Variants in IMMP2L observed in about 807,000 individuals in gnomAD.
IMMP2L encodes the protein inner mitochondrial membrane peptidase subunit 2, also known as mitochondrial inner membrane protease subunit 2.
IMMP2L carries 18 observed loss-of-function variants against 19.3 expected under a neutral mutation model. That is an observed-to-expected ratio of 0.93 (90% CI 0.64 to 1.38). IMMP2L has a LOEUF of 1.38. IMMP2L is among the 40% of genes most tolerant of loss of function. The pLI is 0.00. For missense variants in IMMP2L, 233 were observed against 218.2 expected, an observed-to-expected ratio of 1.07 and a Z score of -0.43; for synonymous variants, 76 against 73.0, an observed-to-expected ratio of 1.04 and a Z score of -0.21.
At chr7:111,007,203 T>C (rs1824383861) in intron 3 of IMMP2L, among the ~76,000 whole-genome samples, 1 of 152,092 alleles carries the variant, frequency 6.6e-6, no homozygotes, top group Non-Finnish European at 1.5e-5. Flanking sequence ...CAAACACTTA[T>C]AAAACCATTA....
chr7:111,522,938 T>TATATA (rs199823915), intron 1 of IMMP2L, among the ~76,000 whole-genome samples: 1 of 148,736 alleles, frequency 6.7e-6, no homozygotes, highest in African/African-American at 2.6e-5. Flanking sequence ...TATATATATA[T>TATATA]TATTTCACCA....
intron 3 of IMMP2L, among the ~76,000 whole-genome samples, chr7:111,360,362 G>A (rs1057219320): frequency 5.9e-5 from 9 of 152,088 alleles, no homozygotes; most frequent in Admixed American, 1.3e-4. Flanking sequence ...ACCTTGCAGG[G>A]GGTCCATAAG....
intron 3 of IMMP2L, among the ~76,000 whole-genome samples, chr7:111,112,069 T>C (rs1245902653): frequency 6.7e-6 from 1 of 149,082 alleles, no homozygotes; most frequent in Admixed American, 6.7e-5. Flanking sequence ...TGTCTCAGCC[T>C]CCCGAGTAGC....
intron 5 of IMMP2L, among the ~76,000 whole-genome samples, chr7:110,755,233 T>A (rs1797970969): frequency 6.6e-6 from 1 of 152,098 alleles, no homozygotes; most frequent in South Asian, 2.1e-4. Flanking sequence ...TATATTTAGT[T>A]TTCTTTCTAA....
intron 3 of IMMP2L, among the ~76,000 whole-genome samples, chr7:111,029,252 G>A (rs530225901): frequency 6.6e-6 from 1 of 152,268 alleles, no homozygotes; most frequent in East Asian, 1.9e-4. Flanking sequence ...GTTCAAGGAT[G>A]GTCAAACAGA....
Position 110,924,477 on chromosome 7 carries a change from C to T in IMMP2L, c.306-37782G>A, listed in dbSNP as rs1814635734. ...TCACAAGGTCCTCTTGCTGCAGGTACCAGGTTTATCCTACGTTTCTCTCAC... is the reference window on the plus strand; with the variant it reads ...TCACAAGGTCCTCTTGCTGCAGGTATCAGGTTTATCCTACGTTTCTCTCAC... On this transcript the variant is annotated intron_variant, in intron 4 of 5. Coordinates refer to ENST00000405709, the MANE Select transcript of IMMP2L (RefSeq NM_032549.4). This position sits in a 1 kb window ranked among gnomAD's most constrained non-coding sequence, Gnocchi z 4.2. Among the ~76,000 whole-genome samples the T allele has an allele frequency of 6.6e-6, 1 of 152,054 alleles. No homozygotes were observed. Among genetic ancestry groups the T allele is most frequent in the African/African-American group, 2.4e-5 (1 of 41,384 alleles).
At chr7:110,718,191 T>C (rs935550824) in intron 5 of IMMP2L, among the ~76,000 whole-genome samples, 1 of 152,200 alleles carries the variant, frequency 6.6e-6, no homozygotes, top group African/African-American at 2.4e-5. Context: ...CTCTTTTACA[T>C]TTGTAAGGAG....
chr7:111,200,446 GATT>G (rs1809976081), intron 3 of IMMP2L, among the ~76,000 whole-genome samples: 2 of 151,972 alleles, frequency 1.3e-5, no homozygotes, highest in Non-Finnish European at 2.9e-5. Context: ...CAACAGTAGG[GATT>G]ATTACAAATG....
At chr7:110,850,720 A>G (rs993837811) in intron 5 of IMMP2L, among the ~76,000 whole-genome samples, 2 of 151,930 alleles carry the variant, frequency 1.3e-5, no homozygotes, top group Non-Finnish European at 2.9e-5. Context: ...AAAAAAAAAG[A>G]AAAAGATACT....
chr7:110,892,030 C>T (rs997177415), intron 4 of IMMP2L, among the ~76,000 whole-genome samples: 19 of 152,100 alleles, frequency 1.2e-4, no homozygotes, highest in Admixed American at 1.2e-3. Context: ...TCCCAAAATA[C>T]GGCACTTTGA....
Position 111,396,623 on chromosome 7 carries a change from A to G in IMMP2L, c.239+90615T>C, listed in dbSNP as rs1832890363. On this transcript the variant is annotated intron_variant, in intron 3 of 5. Coordinates refer to ENST00000405709, the MANE Select transcript of IMMP2L (RefSeq NM_032549.4). ...ATGGCACATGTATACCTATTTAACA[A>G]ACCCGTACGTTTTGCATATGTATCC... Among the ~76,000 whole-genome samples the G allele has an allele frequency of 3.9e-5, 6 of 152,122 alleles. No homozygotes were observed. The South Asian group carries it at 1.2e-3, about 32-fold the overall frequency.
intron 4 of IMMP2L, among the ~76,000 whole-genome samples, chr7:110,917,226 C>T (rs1342814535): frequency 6.6e-6 from 1 of 152,174 alleles, no homozygotes; most frequent in African/African-American, 2.4e-5. Flanking sequence ...AAGGGAATCT[C>T]TGGAGGGAGC....
At chr7:111,229,471 G>A (rs1229182054) in intron 3 of IMMP2L, among the ~76,000 whole-genome samples, 1 of 151,958 alleles carries the variant, frequency 6.6e-6, no homozygotes, top group East Asian at 1.9e-4. Flanking sequence ...ATTATCCCTG[G>A]TTTCTGATAG....
chr7:111,432,178 G>C (rs919977018), intron 3 of IMMP2L, among the ~76,000 whole-genome samples: 2 of 151,692 alleles, frequency 1.3e-5, no homozygotes, highest in African/African-American at 4.9e-5. Context: ...GGTAGTGTCA[G>C]GACTGAATTA....
At chr7:111,270,049 ATGTGTGTCTGTG>A (rs1818281501) in intron 3 of IMMP2L, among the ~76,000 whole-genome samples, 1 of 132,882 alleles carries the variant, frequency 7.5e-6, no homozygotes, top group Non-Finnish European at 1.6e-5. Context: ...GTGTGCATGC[ATGTGTGTCTGTG>A]TGTGTGTGTG....
At chr7:111,254,261 G>A (rs1373203201) in intron 3 of IMMP2L, among the ~76,000 whole-genome samples, 2 of 147,828 alleles carry the variant, frequency 1.4e-5, no homozygotes, top group Non-Finnish European at 1.5e-5. Context: ...TGTTCTTACT[G>A]ATTTCAAAGT....
intron 4 of IMMP2L, among the ~76,000 whole-genome samples, chr7:110,887,415 A>G (rs1810333289): frequency 6.6e-6 from 1 of 152,068 alleles, no homozygotes; most frequent in African/African-American, 2.4e-5. Context: ...ATAATGGTAT[A>G]ATGTTTTTCC....
At chr7:111,086,598 A>G (rs1403419869) in intron 3 of IMMP2L, among the ~76,000 whole-genome samples, 1 of 152,262 alleles carries the variant, frequency 6.6e-6, no homozygotes, top group Non-Finnish European at 1.5e-5. Context: ...AACAGTCAGT[A>G]GTACTACTAC....
intron 3 of IMMP2L, among the ~76,000 whole-genome samples, chr7:111,437,707 T>C (rs1837321003): frequency 6.6e-6 from 1 of 151,944 alleles, no homozygotes; most frequent in Non-Finnish European, 1.5e-5. Flanking sequence ...TTTTATCTGA[T>C]ATATTCCTAT....
Sources: gnomAD v4.1 joint callset for allele counts (sites outside exome capture counted in the v4.1 genomes callset) on GRCh38, gnomAD v4.1.1 for gene constraint, Gnocchi (gnomAD v3.1) non-coding constraint, MANE v1.5 for transcripts, NCBI Gene and HGNC (gene_info 2026-07-23, HGNC 2026-07-21) for gene names.